The following TNKS variants were observed in gnomAD, a reference collection of about 807,000 sequenced individuals.
TNKS encodes tankyrase.
A neutral mutation model predicts 135.8 loss-of-function variants in TNKS; 72 were observed. The ratio of observed to expected loss-of-function variants is 0.53; its 90% CI spans 0.44 to 0.64. The LOEUF is 0.64. TNKS is among the 30% of genes least tolerant of loss of function. The probability of loss-of-function intolerance (pLI) is 0.00; values close to 1 mark genes in which losing one functional copy is unlikely to be tolerated. For missense variants in TNKS, 1,769 were observed against 1,674.0 expected (o/e 1.06, Z -0.99); for synonymous variants, 849 against 649.3 (o/e 1.31, Z -4.68).
chr8:9,741,658 A>G (rs1468055718), intron 17 of TNKS: 2 of 495,632 alleles, frequency 4.0e-6, no homozygotes, highest in African/African-American at 3.9e-5. Flanking sequence ...TTTGATCCCC[A>G]TCAGTTAAGA....
chr8:9,584,312 T>A (rs1293895930), intron 2 of TNKS, among the ~76,000 whole-genome samples: 2 of 152,108 alleles, frequency 1.3e-5, no homozygotes, highest in Non-Finnish European at 2.9e-5. Context: ...CGGAAACTGG[T>A]AGTGTCAGAT....
rs757470204 is a variant in TNKS, at chr8:9,770,123, G to T, written c.3758G>T (p.Arg1253Ile). 1 of 1,612,782 alleles carries T rather than the reference G, an allele frequency of 6.2e-7. No individual in the cohort carries two copies. The highest frequency in any genetic ancestry group is 1.7e-5 in the Admixed American group (1 of 59,986). ...TTCCTTAGACAAATGCTCTTCTGTA[G>T]AGTGACCCTTGGGAAATCCTTTCTG... ...YICHRQMLFCRVTLGKSFLQF... is the reference protein window; with the variant it reads ...YICHRQMLFCIVTLGKSFLQF... The change falls in exon 26 of 27, where the codon AGA (arginine) becomes ATA (isoleucine). Residue 1253 changes from arginine (R) to isoleucine (I), a missense_variant. By Grantham distance (97) the Arg-to-Ile change is moderately conservative. Transcript: ENST00000310430.
At chr8:9,772,911 GGCAAATGATAAA>G (rs1808015758) in intron 26 of TNKS, among the ~76,000 whole-genome samples, 1 of 145,536 alleles carries the variant, frequency 6.9e-6, no homozygotes. Flanking sequence ...ATAGGGAAGG[GGCAAATGATAAA>G]GCAAATGAGA....
intron 21 of TNKS, among the ~76,000 whole-genome samples, chr8:9,761,866 CTG>C (rs1162748727): frequency 1.6e-4 from 25 of 152,310 alleles, no homozygotes; most frequent in Non-Finnish European, 3.4e-4. Flanking sequence ...TCTGGAATCT[CTG>C]TACTTCTGTC....
At chr8:9,704,859 T>C in intron 6 of TNKS, 102 bp downstream of exon 6, 1 of 800,584 alleles carries the variant, frequency 1.2e-6, no homozygotes, top group African/African-American at 1.7e-5. Flanking sequence ...TGTTACGGCT[T>C]ACATAACGTT....
intron 12 of TNKS, among the ~76,000 whole-genome samples, chr8:9,726,277 G>T (rs1260059821): frequency 2.0e-5 from 3 of 152,142 alleles, no homozygotes; most frequent in African/African-American, 7.2e-5. Context: ...TGTGGTCTCA[G>T]CTACTTGGGG....
chr8:9,675,622 T>G (rs1802500319), intron 3 of TNKS, among the ~76,000 whole-genome samples: 3 of 152,256 alleles, frequency 2.0e-5, no homozygotes, highest in Admixed American at 1.3e-4. Context: ...CATTTTTTGC[T>G]TGTTATATTG....
intron 11 of TNKS, among the ~76,000 whole-genome samples, chr8:9,716,366 T>C (rs533007566): frequency 8.2e-4 from 125 of 152,270 alleles, no homozygotes; most frequent in African/African-American, 2.8e-3. Flanking sequence ...TTTTACAGTG[T>C]AAATAATATC....
At chr8:9,770,082 C>T (rs768574347) in intron 25 of TNKS, 24 bp from the exon 26 acceptor site, 2 of 1,576,436 alleles carry the variant, frequency 1.3e-6, no homozygotes, top group East Asian at 2.3e-5. Context: ...TCCTTCAAAG[C>T]ATTGTTTTTT....
At chr8:9,705,524 TCAATGCTTGAGACA>T (rs758634138) in intron 6 of TNKS, among the ~76,000 whole-genome samples, 71 of 152,304 alleles carry the variant, frequency 4.7e-4, no homozygotes, top group South Asian at 8.3e-4. Context: ...AAAAATGAAC[TCAATGCTTGAGACA>T]CTTACCAGAA....
chr8:9,672,709 CACAAAA>C (rs1454064545), intron 3 of TNKS, among the ~76,000 whole-genome samples: 1 of 91,776 alleles, frequency 1.1e-5, no homozygotes, highest in Non-Finnish European at 2.2e-5. Flanking sequence ...CACACACACA[CACAAAA>C]AAAAAAAAAC....
chr8:9,776,539 C>G (rs968860846), intron 26 of TNKS, 111 bp from the exon 27 acceptor site: 1 of 901,102 alleles, frequency 1.1e-6, no homozygotes, highest in Non-Finnish European at 1.7e-6. Context: ...GAAACTGAGT[C>G]TATATAGAAT....
chr8:9,758,332 T>C (rs548950664), intron 20 of TNKS, among the ~76,000 whole-genome samples: 1 of 152,196 alleles, frequency 6.6e-6, no homozygotes, highest in Non-Finnish European at 1.5e-5. Flanking sequence ...TTGTTTTTTT[T>C]AGATTCCACA....
intron 2 of TNKS, among the ~76,000 whole-genome samples, chr8:9,601,410 C>G (rs1181503023): frequency 6.6e-6 from 1 of 152,208 alleles, no homozygotes; most frequent in Non-Finnish European, 1.5e-5. Context: ...CCTCTTTCCC[C>G]ATCATCATTG....
intron 3 of TNKS, among the ~76,000 whole-genome samples, chr8:9,629,597 C>A (rs1800205332): frequency 6.6e-6 from 1 of 152,192 alleles, no homozygotes; most frequent in African/African-American, 2.4e-5. Context: ...TACCTTTCTT[C>A]TCTTCCCAGT....
chr8:9,651,051 A>G (rs201313791), intron 3 of TNKS, among the ~76,000 whole-genome samples: 1 of 564 alleles, frequency 1.8e-3, no homozygotes, highest in Admixed American at 0.05. Flanking sequence ...CAATTATACC[A>G]ACACCATTTG....
chr8:9,667,877 T>G (rs1299985314), intron 3 of TNKS, among the ~76,000 whole-genome samples: 1 of 151,834 alleles, frequency 6.6e-6, no homozygotes, highest in Non-Finnish European at 1.5e-5. Flanking sequence ...CATTTACTAG[T>G]TCTCTTTGAA....
chr8:9,719,855 A>T (rs1481040219), intron 11 of TNKS, among the ~76,000 whole-genome samples: 1 of 152,126 alleles, frequency 6.6e-6, no homozygotes, highest in African/African-American at 2.4e-5. Flanking sequence ...GAATCCTCAA[A>T]TCTTTTTTTT....
At position 9,770,116 on chromosome 8, in the gene TNKS, T is replaced by C; in HGVS notation, c.3751T>C (p.Phe1251Leu). ...TTTCTTTTTCCTTAGACAAATGCTCTTCTGTAGAGTGACCCTTGGGAAATC... is the reference window on the plus strand; with the variant it reads ...TTTCTTTTTCCTTAGACAAATGCTCCTCTGTAGAGTGACCCTTGGGAAATC... ...SCYICHRQML[F>L]CRVTLGKSFL... The change falls in exon 26 of 27, where the codon TTC becomes CTC. Residue 1251 changes from phenylalanine (F) to leucine (L), a missense_variant. Physicochemically the swap from Phe to Leu is conservative, Grantham distance 22. Transcript: ENST00000310430. 6.2e-7 allele frequency: 1 copy of C among 1,609,746 alleles called. No homozygotes were observed. Among genetic ancestry groups the C allele is most frequent in the Non-Finnish European group, 8.5e-7 (1 of 1,178,370 alleles).
Sources: allele counts gnomAD v4.1 joint callset (sites outside exome capture counted in the v4.1 genomes callset), GRCh38; gene constraint gnomAD v4.1.1; transcripts MANE v1.5; gene names NCBI Gene and HGNC (gene_info 2026-07-23, HGNC 2026-07-21).